PRICKLE2: variants seen among roughly 807,000 people sequenced by gnomAD.
PRICKLE2 encodes the protein prickle-like protein 2.
A neutral mutation model predicts 81.4 loss-of-function variants in PRICKLE2; 21 were observed. The ratio of observed to expected loss-of-function variants is 0.26; its 90% CI spans 0.18 to 0.37. PRICKLE2 has a LOEUF of 0.37. Ranked by LOEUF, PRICKLE2 falls within the 10% of genes least tolerant of loss-of-function variation. The pLI is 1.00. For missense variants in PRICKLE2, 940 were observed against 1,109.0 expected (o/e 0.85, Z 2.16); for synonymous variants, 456 against 421.5 (o/e 1.08, Z -1.00).
chr3:64,155,850 T>C (rs1332741680), intron 5 of PRICKLE2, among the ~76,000 whole-genome samples: 4 of 152,080 alleles, frequency 2.6e-5, no homozygotes, highest in Non-Finnish European at 1.5e-5. Flanking sequence ...AGATTAGAAG[T>C]TGCCAGGGGC....
intron 3 of PRICKLE2, 56 bp from the exon 4 acceptor site, chr3:64,160,133 T>C: frequency 6.3e-7 from 1 of 1,585,882 alleles, no homozygotes; most frequent in South Asian, 1.1e-5. Context: ...TTAAGATTTC[T>C]GAAGCCCATG....
At chr3:64,176,423 C>T (rs1455195053) in intron 2 of PRICKLE2, among the ~76,000 whole-genome samples, 1 of 152,086 alleles carries the variant, frequency 6.6e-6, no homozygotes, top group Non-Finnish European at 1.5e-5. Context: ...ATAATTAGTC[C>T]ATTACCCTCC....
chr3:64,234,268 TCA>T (rs944273662), intron 2 of PRICKLE2, among the ~76,000 whole-genome samples: 2 of 150,852 alleles, frequency 1.3e-5, no homozygotes, highest in Non-Finnish European at 1.5e-5. Context: ...TCCTCCAGTT[TCA>T]CATTCTCACA....
At chr3:64,134,781 C>T (rs894373186) in intron 7 of PRICKLE2, among the ~76,000 whole-genome samples, 3 of 152,142 alleles carry the variant, frequency 2.0e-5, no homozygotes, top group African/African-American at 7.2e-5. Flanking sequence ...CATCTTTTTA[C>T]CTAGGACCCA....
intron 2 of PRICKLE2, among the ~76,000 whole-genome samples, chr3:64,177,175 GC>G (rs2078040677): frequency 1.5e-5 from 1 of 66,296 alleles, no homozygotes; most frequent in Non-Finnish European, 2.7e-5. Flanking sequence ...CACTCTTGTT[GC>G]CCAGGCTGGA....
intron 5 of PRICKLE2, 29 bp from the exon 6 acceptor site, chr3:64,153,397 G>A: frequency 6.2e-7 from 1 of 1,609,062 alleles, no homozygotes; most frequent in South Asian, 1.1e-5. Context: ...AATGGTCAGT[G>A]TGTAAAACCC....
intron 2 of PRICKLE2, among the ~76,000 whole-genome samples, chr3:64,250,626 A>G (rs2079433241): frequency 6.6e-6 from 1 of 152,232 alleles, no homozygotes; most frequent in Admixed American, 6.5e-5. Flanking sequence ...GGCCTCACTC[A>G]TGAGATCATG....
chr3:64,145,625 T>C (rs767390548), intron 7 of PRICKLE2: 1 of 151,860 alleles, frequency 6.6e-6, no homozygotes, highest in Non-Finnish European at 1.5e-5. Flanking sequence ...CTTTTCAGCC[T>C]GCCTGTCTTC....
chr3:64,248,663 A>C (rs2079395700), intron 2 of PRICKLE2, among the ~76,000 whole-genome samples: 1 of 150,714 alleles, frequency 6.6e-6, no homozygotes, highest in South Asian at 2.1e-4. Context: ...AAACCAAAAA[A>C]AACAAAACAA....
intron 1 of PRICKLE2, among the ~76,000 whole-genome samples, chr3:64,212,494 G>A (rs1012718281): frequency 2.6e-5 from 4 of 152,144 alleles, no homozygotes; most frequent in South Asian, 2.1e-4. Context: ...ACACCTCTTC[G>A]TTTGCTTTTC....
intron 2 of PRICKLE2, among the ~76,000 whole-genome samples, chr3:64,181,355 T>A (rs2078130158): frequency 1.3e-5 from 2 of 152,160 alleles, no homozygotes; most frequent in Admixed American, 6.6e-5. Context: ...TCCTTCCGCA[T>A]CCTGACAGTC....
At chr3:64,110,372 A>G (rs2076823717) in intron 7 of PRICKLE2, among the ~76,000 whole-genome samples, 1 of 152,184 alleles carries the variant, frequency 6.6e-6, no homozygotes, top group Non-Finnish European at 1.5e-5. Context: ...AGTTGCTTCA[A>G]AGATCTTTGA....
intron 2 of PRICKLE2, among the ~76,000 whole-genome samples, chr3:64,253,824 A>G (rs554390675): frequency 6.6e-6 from 1 of 152,298 alleles, no homozygotes; most frequent in South Asian, 2.1e-4. Context: ...GTGACCTTGG[A>G]AAAAAATCAA....
chr3:64,202,305 T>C (rs2078597943), intron 1 of PRICKLE2, among the ~76,000 whole-genome samples: 1 of 152,208 alleles, frequency 6.6e-6, no homozygotes, highest in African/African-American at 2.4e-5. Flanking sequence ...AGAGTTTTGA[T>C]AGAGATACAC....
chr3:64,213,999 G>T (rs949898624), intron 1 of PRICKLE2, among the ~76,000 whole-genome samples: 4 of 152,116 alleles, frequency 2.6e-5, no homozygotes, highest in African/African-American at 9.7e-5. Flanking sequence ...CAAGTCATAG[G>T]AAATTCTTAA....
At chr3:64,230,872 T>C (rs1396417904) in intron 2 of PRICKLE2, among the ~76,000 whole-genome samples, 1 of 152,202 alleles carries the variant, frequency 6.6e-6, no homozygotes, top group Non-Finnish European at 1.5e-5. Context: ...TATTCTCCAC[T>C]TGGTTTCCAA....
At chr3:64,149,969 CTTTTTTTTT>C (rs34841544) in intron 6 of PRICKLE2, among the ~76,000 whole-genome samples, 2 of 109,736 alleles carry the variant, frequency 1.8e-5, no homozygotes, top group African/African-American at 3.6e-5. Context: ...TCAACTCCAT[CTTTTTTTTT>C]TTTTTTTTTT....
intron 2 of PRICKLE2, chr3:64,163,508 C>A (rs758792741): frequency 3.1e-5 from 10 of 324,516 alleles, no homozygotes; most frequent in Admixed American, 1.6e-4. Flanking sequence ...GCCTCCCTAG[C>A]CAAAGGGATA....
At chr3:64,118,425 G>A (rs1444064816) in intron 7 of PRICKLE2, among the ~76,000 whole-genome samples, 2 of 152,012 alleles carry the variant, frequency 1.3e-5, no homozygotes, top group African/African-American at 2.4e-5. Flanking sequence ...CAGAAAAGGA[G>A]AACATTTCTG....
Sources: gnomAD v4.1 joint callset for allele counts (sites outside exome capture counted in the v4.1 genomes callset) on GRCh38, gnomAD v4.1.1 for gene constraint, MANE v1.5 for transcripts, NCBI Gene and HGNC (gene_info 2026-07-23, HGNC 2026-07-21) for gene names.